The following DAG1 variants were observed in gnomAD, a reference collection of about 807,000 sequenced individuals.
DAG1 encodes the protein dystroglycan 1 (dystrophin-associated glycoprotein 1).
Under a neutral mutation model 46.1 loss-of-function variants are expected in DAG1, and 8 were observed. The ratio of observed to expected loss-of-function variants is 0.17; its 90% CI spans 0.10 to 0.31. DAG1 has a LOEUF of 0.31. DAG1 is among the 10% of genes least tolerant of loss of function. The pLI is 1.00. For missense variants in DAG1, 1,003 were observed against 1,189.9 expected (o/e 0.84, Z 2.31); for synonymous variants, 495 against 481.8 (o/e 1.03, Z -0.36).
At chr3:49,477,185 C>T (rs1029559477) in intron 1 of DAG1, among the ~76,000 whole-genome samples, 13 of 151,906 alleles carry the variant, frequency 8.6e-5, no homozygotes, top group Non-Finnish European at 8.8e-5. Context: ...TTAGTAGAGA[C>T]GGGGTTTCTC....
chr3:49,470,135 C>G (rs1046533157), upstream of DAG1: 1 of 151,240 alleles, frequency 6.6e-6, no homozygotes, highest in African/African-American at 2.4e-5. Flanking sequence ...CCGACGCAGG[C>G]AGAAGCCGGC....
chr3:49,522,070 C>G (rs2051043046), intron 2 of DAG1, among the ~76,000 whole-genome samples: 1 of 151,706 alleles, frequency 6.6e-6, no homozygotes, highest in Non-Finnish European at 1.5e-5. Flanking sequence ...ACTCTTGTCC[C>G]CCAGGCTGGA....
intron 1 of DAG1, among the ~76,000 whole-genome samples, chr3:49,477,854 T>C (rs543311940): frequency 2.0e-5 from 3 of 151,572 alleles, no homozygotes; most frequent in Admixed American, 6.6e-5. Flanking sequence ...CCCAGCTACT[T>C]GGGAGGCTGA....
intron 1 of DAG1, among the ~76,000 whole-genome samples, chr3:49,495,514 G>A (rs1204899428): frequency 6.6e-6 from 1 of 152,070 alleles, no homozygotes; most frequent in African/African-American, 2.4e-5. Context: ...ATGCAACGCG[G>A]GTGCAAGGGT....
chr3:49,531,950 T>C lies in DAG1; in HGVS notation c.1439T>C (p.Ile480Thr). The C allele has an allele frequency of 6.2e-7, 1 of 1,614,190 alleles. No homozygotes were observed. Residue 480 changes from isoleucine to threonine, a missense_variant, in exon 3 of 3, where the codon ATT becomes ACT. Physicochemically the swap from Ile to Thr is moderately conservative, Grantham distance 89 (BLOSUM62 -1). Coordinates refer to ENST00000308775, the MANE Select transcript of DAG1 (RefSeq NM_004393.6). The surrounding 1 kb of genome is among the most constrained non-coding windows in gnomAD (Gnocchi z 7.0). ...GAAACTGCCTCACCGCCTACTCGTA[T>C]TCGCACCACCACCAGTGGAGTGCCC... Reference protein sequence around the residue: ...RLETASPPTRIRTTTSGVPRG... With the variant: ...RLETASPPTRTRTTTSGVPRG...
chr3:49,483,641 C>T (rs775508910), intron 1 of DAG1, among the ~76,000 whole-genome samples: 21 of 152,152 alleles, frequency 1.4e-4, no homozygotes, highest in Non-Finnish European at 2.9e-4. Context: ...TGAGTAAGTT[C>T]TACCTCTTAT....
intron 1 of DAG1, chr3:49,510,097 ATG>A: frequency 3.4e-6 from 1 of 297,596 alleles, no homozygotes; most frequent in Non-Finnish European, 6.2e-6. Flanking sequence ...ATTTTATTGA[ATG>A]TATCTGACTG....
At chr3:49,488,462 G>A (rs1259353902) in intron 1 of DAG1, among the ~76,000 whole-genome samples, 1 of 152,176 alleles carries the variant, frequency 6.6e-6, no homozygotes, top group Non-Finnish European at 1.5e-5. Flanking sequence ...AAGGATGAGT[G>A]TGAGAACACC....
intron 1 of DAG1, among the ~76,000 whole-genome samples, chr3:49,482,222 C>G (rs1453154228): frequency 1.3e-5 from 2 of 152,186 alleles, no homozygotes; most frequent in African/African-American, 2.4e-5. Flanking sequence ...GGGACCTCTG[C>G]TCTTGAAAGC....
At chr3:49,507,205 A>G (rs1057429781) in intron 1 of DAG1, among the ~76,000 whole-genome samples, 1 of 151,972 alleles carries the variant, frequency 6.6e-6, no homozygotes, top group African/African-American at 2.4e-5. Context: ...AAAAGAAAAG[A>G]TTGGTAGAAC....
chr3:49,527,392 C>T lies in DAG1; in HGVS notation c.286-3405C>T, dbSNP rs368838214. On this transcript the variant is annotated intron_variant, in intron 2 of 2. Coordinates refer to ENST00000308775, the MANE Select transcript of DAG1 (RefSeq NM_004393.6). ...ACAAAAAATTAGCCGGGCACGGTGG[C>T]GGGCGCCTGTAGTCCCAGCTACAGG... Among the ~76,000 whole-genome samples, 53 of 152,272 alleles carry T rather than the reference C, an allele frequency of 3.5e-4. No individual in the cohort carries two copies. In the South Asian group the frequency reaches 8.7e-3, roughly 25 times the overall value.
At chr3:49,487,111 T>C (rs2050057084) in intron 1 of DAG1, 1 of 152,270 alleles carries the variant, frequency 6.6e-6, no homozygotes, top group Non-Finnish European at 1.5e-5. Flanking sequence ...GATCTCGAAC[T>C]CCTGGATTGC....
chr3:49,529,782 C>G (rs2051290912), intron 2 of DAG1, among the ~76,000 whole-genome samples: 2 of 152,164 alleles, frequency 1.3e-5, no homozygotes, highest in Non-Finnish European at 2.9e-5. Context: ...AAAGGAGCCA[C>G]AGATGGGGCT....
intron 1 of DAG1, among the ~76,000 whole-genome samples, chr3:49,482,733 T>G (rs1411847903): frequency 5.3e-5 from 8 of 152,152 alleles, no homozygotes; most frequent in Admixed American, 3.9e-4. Context: ...CTGGAACCAA[T>G]CCCTCATGGA....
chr3:49,488,951 G>A (rs2050110581), intron 1 of DAG1, among the ~76,000 whole-genome samples: 1 of 152,102 alleles, frequency 6.6e-6, no homozygotes, highest in South Asian at 2.1e-4. Flanking sequence ...GCTTGTTTAT[G>A]TGTTTAGAGA....
Position 49,532,894 on chromosome 3 carries a change from G to A in DAG1, c.2383G>A (p.Gly795Arg). ...GGACCAGGCCACCTTCATCAAGAAG[G>A]GGGTGCCTATCATCTTTGCAGACGA... is the stretch of plus-strand genomic sequence containing the variant. ...LEDQATFIKK[G>R]VPIIFADELD... The change falls in exon 3 of 3, where the codon GGG becomes AGG. Residue 795 changes from glycine to arginine, a missense_variant. Around this residue, in one of 3 missense-constraint regions of DAG1, gnomAD observed 755 missense variants for 854.1 expected, o/e 0.88. Transcript: ENST00000308775. The surrounding 1 kb of genome is among the most constrained non-coding windows in gnomAD (Gnocchi z 5.4). 6.2e-7 allele frequency: 1 copy of A among 1,614,110 alleles called. No individual in the cohort carries two copies. Among genetic ancestry groups the A allele is most frequent in the Admixed American group, 1.7e-5 (1 of 60,014 alleles).
intron 1 of DAG1, among the ~76,000 whole-genome samples, chr3:49,481,720 C>T (rs58919444): frequency 7.9e-5 from 12 of 152,074 alleles, no homozygotes; most frequent in East Asian, 1.9e-4. Context: ...AAGGATATGT[C>T]GTATTCAGGG....
intron 2 of DAG1, among the ~76,000 whole-genome samples, chr3:49,511,247 A>G (rs1363062763): frequency 6.6e-6 from 1 of 152,216 alleles, no homozygotes; most frequent in African/African-American, 2.4e-5. Flanking sequence ...TATGTTGGCT[A>G]ATGTAATTGA....
intron 2 of DAG1, among the ~76,000 whole-genome samples, chr3:49,520,365 A>T (rs2107759160): frequency 6.6e-6 from 1 of 152,342 alleles, no homozygotes; most frequent in East Asian, 1.9e-4. Flanking sequence ...TGAGCAGAGG[A>T]CACACAGTCA....
Sources: allele counts gnomAD v4.1 joint callset (sites outside exome capture counted in the v4.1 genomes callset), GRCh38; gene constraint gnomAD v4.1.1; regional missense constraint gnomAD v4.1.1; non-coding constraint Gnocchi (gnomAD v3.1); transcripts MANE v1.5; gene names NCBI Gene and HGNC (gene_info 2026-07-23, HGNC 2026-07-21).